RBFOX1: variants seen among roughly 807,000 people sequenced by gnomAD.
RBFOX1 encodes RNA binding fox-1 homolog 1.
In RBFOX1, 8 loss-of-function variants were observed where a neutral mutation model predicts 57.7. That is an observed-to-expected ratio of 0.14 (90% CI 0.08 to 0.25). The LOEUF is 0.25. Among genes scored for constraint, RBFOX1 ranks in the 10% least tolerant of loss-of-function variants. The probability of loss-of-function intolerance (pLI) is 1.00; values close to 1 mark genes in which losing one functional copy is unlikely to be tolerated. For missense variants in RBFOX1, 611 were observed against 548.5 expected (o/e 1.11, Z -1.14); for synonymous variants, 326 against 222.4 (o/e 1.47, Z -4.15).
chr16:5,454,404 T>C (rs540385385), intron 1 of RBFOX1, among the ~76,000 whole-genome samples: 1 of 152,382 alleles, frequency 6.6e-6, no homozygotes, highest in African/African-American at 2.4e-5. Context: ...GTTTATCAAC[T>C]TGGTTGGACC....
intron 1 of RBFOX1, among the ~76,000 whole-genome samples, chr16:6,284,567 G>T (rs1488525300): frequency 6.6e-6 from 1 of 152,256 alleles, no homozygotes; most frequent in East Asian, 1.9e-4. Flanking sequence ...AGACGCCATA[G>T]CAACAATATT....
intron 1 of RBFOX1, among the ~76,000 whole-genome samples, chr16:6,271,850 T>C (rs1321401409): frequency 6.6e-6 from 1 of 152,184 alleles, no homozygotes; most frequent in Non-Finnish European, 1.5e-5. Context: ...AGGTTTTTGT[T>C]AGAGAATTCT....
chr16:6,310,738 C>A (rs542284919), intron 1 of RBFOX1, among the ~76,000 whole-genome samples: 1 of 152,072 alleles, frequency 6.6e-6, no homozygotes, highest in Non-Finnish European at 1.5e-5. Context: ...GCTGCCACTC[C>A]AATAGAAAAG....
chr16:6,582,686 C>T (rs1256939804), intron 2 of RBFOX1, among the ~76,000 whole-genome samples: 1 of 151,238 alleles, frequency 6.6e-6, no homozygotes, highest in African/African-American at 2.4e-5. Flanking sequence ...TCCACCATTT[C>T]TCTCTTCTCA....
intron 3 of RBFOX1, among the ~76,000 whole-genome samples, chr16:5,852,126 T>G (rs367926753): frequency 2.6e-5 from 4 of 152,180 alleles, no homozygotes; most frequent in African/African-American, 9.7e-5. Flanking sequence ...TAGTAAAAGT[T>G]AACCGGGTTT....
In RBFOX1 at chr16:5,619,319, C is replaced by G. The variant is rs151019807; in HGVS notation, c.318+20358C>G. On this transcript the variant is annotated intron_variant, in intron 3 of 19. Transcript: ENST00000641259. ...GAACTCTGACCCTGGAACGGAGGGC[C>G]TGAGTTCCTTGGCAGATAGTGCCCA... is the stretch of plus-strand genomic sequence containing the variant. 3.3e-5 allele frequency among the ~76,000 whole-genome samples: 5 copies of G among 152,266 alleles called. No individual in the cohort carries two copies. In the East Asian group the frequency reaches 9.7e-4, roughly 29 times the overall value.
At position 6,769,919 on chromosome 16, in the gene RBFOX1, T is replaced by C. The variant is rs555059630; in HGVS notation, c.-16+115269T>C. On this transcript the variant is annotated intron_variant, in intron 3 of 15. Transcript: ENST00000550418. ...AGATTTATTTCTCATAAGTCTGTTGTTTAGAGGGGGATTTCGTGAACTGTT... is the reference window on the plus strand; with the variant it reads ...AGATTTATTTCTCATAAGTCTGTTGCTTAGAGGGGGATTTCGTGAACTGTT... 3.3e-5 allele frequency among the ~76,000 whole-genome samples: 5 copies of C among 152,292 alleles called. No homozygotes were observed. In the East Asian group the frequency reaches 9.7e-4, roughly 29 times the overall value.
chr16:5,612,531 A>G (rs958324216), intron 3 of RBFOX1, among the ~76,000 whole-genome samples: 1 of 152,264 alleles, frequency 6.6e-6, no homozygotes, highest in Non-Finnish European at 1.5e-5. Context: ...AAGGTAGATA[A>G]TGGCTCTGAG....
intron 11 of RBFOX1, among the ~76,000 whole-genome samples, chr16:7,643,861 G>A (rs1157544411): frequency 6.6e-6 from 1 of 152,106 alleles, no homozygotes; most frequent in African/African-American, 2.4e-5. Flanking sequence ...GAAATGGCGG[G>A]CACACACACA....
chr16:6,973,555 T>C (rs1027667438), intron 3 of RBFOX1, among the ~76,000 whole-genome samples: 5 of 152,162 alleles, frequency 3.3e-5, no homozygotes, highest in African/African-American at 9.7e-5. Flanking sequence ...GTTTGGAGAG[T>C]CTGTTTATTT....
chr16:6,781,212 T>A (rs2080963127), intron 3 of RBFOX1, among the ~76,000 whole-genome samples: 1 of 152,194 alleles, frequency 6.6e-6, no homozygotes, highest in African/African-American at 2.4e-5. Context: ...CTTCATTATG[T>A]TGATATGATA....
intron 2 of RBFOX1, among the ~76,000 whole-genome samples, chr16:6,636,783 A>AATATATGTT (rs1567981466): frequency 5.5e-5 from 2 of 36,620 alleles, no homozygotes; most frequent in Non-Finnish European, 1.1e-4. Context: ...TAATATATAT[A>AATATATGTT]ATATATAATA....
intron 4 of RBFOX1, among the ~76,000 whole-genome samples, chr16:5,956,965 C>T (rs1218731827): frequency 6.6e-6 from 1 of 151,930 alleles, no homozygotes; most frequent in Non-Finnish European, 1.5e-5. Context: ...CCACTGCGCC[C>T]AGCCTGCAAT....
At chr16:6,970,881 T>A (rs978109434) in intron 3 of RBFOX1, among the ~76,000 whole-genome samples, 9 of 152,204 alleles carry the variant, frequency 5.9e-5, no homozygotes, top group African/African-American at 1.9e-4. Flanking sequence ...AAGAGACAAC[T>A]GCAGTAAGGC....
chr16:6,782,724 G>A (rs984412872), intron 3 of RBFOX1, among the ~76,000 whole-genome samples: 7 of 152,118 alleles, frequency 4.6e-5, no homozygotes, highest in African/African-American at 1.4e-4. Context: ...GAAATGTTTT[G>A]TAAATGTCTA....
intron 3 of RBFOX1, among the ~76,000 whole-genome samples, chr16:5,646,017 GT>G (rs941476506): frequency 4.0e-5 from 6 of 148,274 alleles, no homozygotes; most frequent in East Asian, 2.0e-4. Flanking sequence ...TTTGTCCTCT[GT>G]TTTTTTTTTA....
chr16:6,523,259 G>A (rs2110613), intron 2 of RBFOX1, among the ~76,000 whole-genome samples: 98,934 of 151,808 alleles, frequency 0.65, 32,358 homozygotes, highest in Non-Finnish European at 0.66. Flanking sequence ...GGAAGGAAGA[G>A]AAGAAGGAAG....
rs536439581 is a variant in RBFOX1, at chr16:6,986,293, C to T, written c.-15-65764C>T. ...TTGGCTCACTGCAACCTGTGCCTCC[C>T]GGGTTCAAGCGACTCTTGCCTCAGC... On this transcript the variant is annotated intron_variant, in intron 3 of 15. Coordinates refer to ENST00000550418, the MANE Select transcript of RBFOX1 (RefSeq NM_018723.4). 3.9e-3 allele frequency among the ~76,000 whole-genome samples: 589 copies of T among 152,030 alleles called. 8 individuals carry two copies. Among genetic ancestry groups the T allele is most frequent in the Non-Finnish European group, 3.3e-3 (221 of 67,996 alleles).
intron 4 of RBFOX1, among the ~76,000 whole-genome samples, chr16:7,055,641 C>G (rs2051921635): frequency 1.3e-5 from 2 of 152,192 alleles, no homozygotes; most frequent in Non-Finnish European, 1.5e-5. Context: ...TGGCCAATCT[C>G]TACATCAATC....
Sources: gnomAD v4.1 joint callset for allele counts (sites outside exome capture counted in the v4.1 genomes callset) on GRCh38, gnomAD v4.1.1 for gene constraint, MANE v1.5 for transcripts, NCBI Gene and HGNC (gene_info 2026-07-23, HGNC 2026-07-21) for gene names.